The following UBTD1 variants were observed in gnomAD, a reference collection of about 807,000 sequenced individuals.
UBTD1 encodes ubiquitin domain containing 1, also known as ubiquitin domain-containing protein 1.
In UBTD1, 19 loss-of-function variants were observed where a neutral mutation model predicts 21.7. The observed-to-expected ratio is 0.87, with a 90% CI of 0.61 to 1.28. The LOEUF is 1.28. Ranked by LOEUF, UBTD1 falls within the 50% of genes most tolerant of loss-of-function variation. The pLI is 0.00. For missense variants in UBTD1, 282 were observed against 315.1 expected, an observed-to-expected ratio of 0.89 and a Z score of 0.80; for synonymous variants, 116 against 135.1, an observed-to-expected ratio of 0.86 and a Z score of 0.98.
chr10:97,547,879 T>C (rs1422808960), intron 1 of UBTD1, among the ~76,000 whole-genome samples: 1 of 150,302 alleles, frequency 6.7e-6, no homozygotes, highest in East Asian at 2.0e-4. Context: ...GTTTTCATTT[T>C]TCAAAATCAC....
chr10:97,522,687 T>C (rs1456206653), intron 1 of UBTD1, among the ~76,000 whole-genome samples: 2 of 152,252 alleles, frequency 1.3e-5, no homozygotes, highest in African/African-American at 2.4e-5. Flanking sequence ...GAGCCCTCTC[T>C]AAACAGCAAG....
At position 97,546,552 on chromosome 10, in the gene UBTD1, C is replaced by T. The variant is rs150029080; in HGVS notation, c.71-21362C>T. Among the ~76,000 whole-genome samples, 7 of 149,354 alleles carry T rather than the reference C, an allele frequency of 4.7e-5. No individual in the cohort carries two copies. In the East Asian group the frequency reaches 6.0e-4, roughly 13 times the overall value. ...CTGCAGTGAGCCTGATCACCCACTG[C>T]GCTCCAGCCTGGGTGACCGAGTGTG... On this transcript the variant is annotated intron_variant, in intron 1 of 2. Transcript: ENST00000370664.
chr10:97,519,263 T>C (rs1353999626), intron 1 of UBTD1, among the ~76,000 whole-genome samples: 1 of 152,270 alleles, frequency 6.6e-6, no homozygotes, highest in Admixed American at 6.5e-5. Flanking sequence ...GAGGTTGTAG[T>C]ATTTCTCTTT....
At chr10:97,500,022 C>G (rs574626582) in intron 1 of UBTD1, among the ~76,000 whole-genome samples, 31 of 152,320 alleles carry the variant, frequency 2.0e-4, no homozygotes, top group African/African-American at 6.5e-4. Context: ...CTGGGTCTTA[C>G]ACTCACTTCC....
chr10:97,555,820 G>A (rs113077440), intron 1 of UBTD1, among the ~76,000 whole-genome samples: 289 of 152,296 alleles, frequency 1.9e-3, no homozygotes, highest in Middle Eastern at 3.4e-3. Context: ...CAGGCCAGGC[G>A]TGGTTTCGGG....
intron 1 of UBTD1, among the ~76,000 whole-genome samples, chr10:97,524,696 C>G (rs948076391): frequency 6.6e-6 from 1 of 152,224 alleles, no homozygotes; most frequent in Non-Finnish European, 1.5e-5. Flanking sequence ...CTGATGTCCT[C>G]AACGTGAACA....
chr10:97,524,922 A>G (rs556798926), intron 1 of UBTD1, among the ~76,000 whole-genome samples: 5 of 152,318 alleles, frequency 3.3e-5, no homozygotes, highest in Non-Finnish European at 5.9e-5. Flanking sequence ...GCATAGTCAC[A>G]TGGCCTCCCT....
In UBTD1 at chr10:97,511,660, A is replaced by AT. The variant is rs35345352; in HGVS notation, c.70+12398dup. Reference sequence around the variant, plus strand: ...ATATGGGATACTACACATGGCATTGATTTTTTTTTTTAACTTAGTGAAAGC... The same window carrying AT: ...ATATGGGATACTACACATGGCATTGATTTTTTTTTTTTAACTTAGTGAAAGC... On this transcript the variant is annotated intron_variant, in intron 1 of 2. Transcript: ENST00000370664. 7.5e-3 allele frequency among the ~76,000 whole-genome samples: 1,115 copies of AT among 148,892 alleles called. 22 individuals carry two copies. The highest frequency in any genetic ancestry group is 0.026 in the African/African-American group (1,046 of 40,672).
chr10:97,532,326 G>C (rs146676490), intron 1 of UBTD1, among the ~76,000 whole-genome samples: 4 of 152,350 alleles, frequency 2.6e-5, no homozygotes, highest in African/African-American at 7.2e-5. Flanking sequence ...ATGTTCCACA[G>C]TTAAGGCGAG....
At chr10:97,564,859 C>T (rs1488214897) in intron 1 of UBTD1, among the ~76,000 whole-genome samples, 1 of 152,214 alleles carries the variant, frequency 6.6e-6, no homozygotes, top group African/African-American at 2.4e-5. Flanking sequence ...CCACCACCCC[C>T]AGCCCACAAC....
intron 1 of UBTD1, among the ~76,000 whole-genome samples, chr10:97,528,242 G>T (rs1388333798): frequency 8.2e-6 from 1 of 122,560 alleles, no homozygotes; most frequent in Non-Finnish European, 1.8e-5. Context: ...CTTCCCAGTA[G>T]GGGCGGCCGG....
intron 1 of UBTD1, among the ~76,000 whole-genome samples, chr10:97,500,966 T>C (rs903964396): frequency 2.6e-5 from 4 of 152,168 alleles, no homozygotes; most frequent in South Asian, 2.1e-4. Flanking sequence ...CAGCTTTCCT[T>C]CTTTACTCTT....
At chr10:97,513,665 T>C (rs1371622193) in intron 1 of UBTD1, among the ~76,000 whole-genome samples, 1 of 152,224 alleles carries the variant, frequency 6.6e-6, no homozygotes, top group Non-Finnish European at 1.5e-5. Flanking sequence ...AGAAAATCTT[T>C]GTACTCTTAC....
chr10:97,530,362 C>G (rs995163371), intron 1 of UBTD1, among the ~76,000 whole-genome samples: 1 of 152,144 alleles, frequency 6.6e-6, no homozygotes, highest in African/African-American at 2.4e-5. Flanking sequence ...TGCTGGAGCC[C>G]AGGAGTTTGA....
intron 1 of UBTD1, among the ~76,000 whole-genome samples, chr10:97,505,686 T>C (rs1564734435): frequency 6.6e-6 from 1 of 152,228 alleles, no homozygotes; most frequent in Non-Finnish European, 1.5e-5. Context: ...GACAAGCCTC[T>C]TGATCTCTTT....
chr10:97,503,625 G>C (rs913563657), intron 1 of UBTD1, among the ~76,000 whole-genome samples: 16 of 152,204 alleles, frequency 1.1e-4, no homozygotes, highest in African/African-American at 3.9e-4. Flanking sequence ...GGTTGCAAGA[G>C]AGTCTGCTTC....
chr10:97,548,986 G>A (rs1442170818), intron 1 of UBTD1, among the ~76,000 whole-genome samples: 1 of 152,188 alleles, frequency 6.6e-6, no homozygotes, highest in Non-Finnish European at 1.5e-5. Flanking sequence ...GCAGAAAAAG[G>A]CCTGCTCTCC....
intron 1 of UBTD1, 86 bp from the exon 2 acceptor site, chr10:97,567,828 G>A: frequency 7.5e-7 from 1 of 1,332,354 alleles, no homozygotes; most frequent in Non-Finnish European, 1.0e-6. Context: ...TTCAGGGTCT[G>A]GCCTGGGGAG....
chr10:97,534,198 C>T (rs1247791591), intron 1 of UBTD1, among the ~76,000 whole-genome samples: 2 of 152,198 alleles, frequency 1.3e-5, no homozygotes, highest in African/African-American at 4.8e-5. Context: ...ACCCCCTTCC[C>T]AGGAAACCAG....
Sources: gnomAD v4.1 joint callset for allele counts (sites outside exome capture counted in the v4.1 genomes callset) on GRCh38, gnomAD v4.1.1 for gene constraint, MANE v1.5 for transcripts, NCBI Gene and HGNC (gene_info 2026-07-23, HGNC 2026-07-21) for gene names.